Variants in PARP4 observed in about 807,000 individuals in gnomAD.
PARP4 encodes poly(ADP-ribose) polymerase family member 4.
In PARP4, 120 loss-of-function variants were observed where a neutral mutation model predicts 187.7. The ratio of observed to expected loss-of-function variants is 0.64; its 90% confidence interval spans 0.55 to 0.74. The LOEUF is 0.74. Ranked by LOEUF, PARP4 falls within the 30% of genes least tolerant of loss-of-function variation. The pLI is 0.00. For missense variants in PARP4, 1,836 were observed against 2,070.5 expected, an observed-to-expected ratio of 0.89 and a Z score of 2.20; for synonymous variants, 654 against 740.9, an observed-to-expected ratio of 0.88 and a Z score of 1.90.
At position 24,483,777 on chromosome 13, in the gene PARP4, C is replaced by A. The variant is rs1421113627; in HGVS notation, c.1448+876G>T. Among the ~76,000 whole-genome samples, 3 of 152,098 alleles carry A rather than the reference C, an allele frequency of 2.0e-5. 1 individual carries two copies. Among genetic ancestry groups the A allele is most frequent in the Non-Finnish European group, 2.9e-5 (2 of 68,034 alleles). On this transcript the variant is annotated intron_variant, in intron 12 of 33. Coordinates refer to ENST00000381989, the MANE Select transcript of PARP4 (RefSeq NM_006437.4). ...GAGTAGCTGGGACTACAGGTGCACA[C>A]CACCACGCCCAGCTAATTTTTGTAT...
intron 14 of PARP4, 111 bp downstream of exon 14, chr13:24,477,590 A>G: frequency 1.5e-6 from 1 of 668,976 alleles, no homozygotes; most frequent in Non-Finnish European, 2.6e-6. Context: ...TGAAATACTT[A>G]TGGATGAGGT....
chr13:24,458,316 A>G (rs1400889833), intron 20 of PARP4, among the ~76,000 whole-genome samples: 2 of 151,924 alleles, frequency 1.3e-5, no homozygotes, highest in Non-Finnish European at 2.9e-5. Flanking sequence ...TCACCATGTT[A>G]GCCAGGATGG....
chr13:24,432,792 T>C (rs1426044136), intron 31 of PARP4, among the ~76,000 whole-genome samples: 1 of 152,090 alleles, frequency 6.6e-6, no homozygotes, highest in Non-Finnish European at 1.5e-5. Context: ...ATCATCTGCC[T>C]GCCCCATCAC....
intron 24 of PARP4, among the ~76,000 whole-genome samples, 160 bp from the exon 25 acceptor site, chr13:24,449,977 A>G (rs1871427455): frequency 6.6e-6 from 1 of 152,212 alleles, no homozygotes. Context: ...GTGATAATAG[A>G]AGGAAACATC....
intron 20 of PARP4, among the ~76,000 whole-genome samples, chr13:24,457,770 C>CAAAAAAAAAAAAAAA (rs33930012): frequency 2.2e-3 from 188 of 85,566 alleles, no homozygotes; most frequent in Non-Finnish European, 2.7e-3. Flanking sequence ...GACTCTGTCT[C>CAAAAAAAAAAAAAAA]AAAAAAAAAA....
chr13:24,463,720 C>T (rs1053426673), intron 17 of PARP4, among the ~76,000 whole-genome samples: 10 of 152,214 alleles, frequency 6.6e-5, no homozygotes, highest in African/African-American at 2.2e-4. Flanking sequence ...GGAAGCATTC[C>T]CCTTGAAAAC....
At chr13:24,456,568 C>A (rs1004765149) in intron 20 of PARP4, 90 bp from the exon 21 acceptor site, 2 of 1,114,464 alleles carry the variant, frequency 1.8e-6, no homozygotes, top group South Asian at 2.1e-5. Flanking sequence ...CAAACCCTTG[C>A]ATAGCTTACA....
intron 1 of PARP4, among the ~76,000 whole-genome samples, chr13:24,508,819 CTG>C (rs71698453): frequency 0.015 from 2,217 of 152,194 alleles, 62 homozygotes; most frequent in African/African-American, 0.05. Flanking sequence ...CAGCCACAGA[CTG>C]TATTTTTTAT....
chr13:24,432,694 A>T (rs1238448219), intron 31 of PARP4, among the ~76,000 whole-genome samples: 1 of 152,226 alleles, frequency 6.6e-6, no homozygotes, highest in Non-Finnish European at 1.5e-5. Context: ...ACCCTGATGT[A>T]GTCTGAAACA....
At chr13:24,458,411 GTTT>G (rs202018235) in intron 20 of PARP4, among the ~76,000 whole-genome samples, 1 of 144,918 alleles carries the variant, frequency 6.9e-6, no homozygotes, top group African/African-American at 2.5e-5. Context: ...ACTCAGCCAA[GTTT>G]TTTTTTTTTT....
intron 21 of PARP4, 57 bp downstream of exon 21, chr13:24,456,284 T>G (rs1360679593): frequency 1.0e-4 from 142 of 1,420,956 alleles, no homozygotes; most frequent in Non-Finnish European, 1.2e-4. Context: ...TTTAACCAGC[T>G]TATTCTGAAA....
At chr13:24,422,840 C>T (rs1469797638) in intron 33 of PARP4, among the ~76,000 whole-genome samples, 1 of 152,084 alleles carries the variant, frequency 6.6e-6, no homozygotes, top group Non-Finnish European at 1.5e-5. Context: ...ATCTCTTAAC[C>T]TTGTGATCTG....
chr13:24,458,999 G>C (rs371987915), intron 20 of PARP4, 45 bp downstream of exon 20: 18 of 1,294,118 alleles, frequency 1.4e-5, no homozygotes, highest in Non-Finnish European at 2.0e-5. Flanking sequence ...TAAGATAAAA[G>C]TAGTGTTAAA....
Position 24,490,746 on chromosome 13 carries a change from C to T in PARP4, c.1136G>A (p.Arg379Lys). 6.2e-7 allele frequency: 1 copy of T among 1,614,078 alleles called. No homozygotes were observed. Among genetic ancestry groups the T allele is most frequent in the Admixed American group, 1.7e-5 (1 of 60,028 alleles). The change falls in exon 10 of 34, where the codon AGG (arginine) becomes AAG (lysine). Residue 379 changes from arginine to lysine, a missense_variant. Around this residue, in one of 8 missense-constraint regions of PARP4, gnomAD observed 1,147 missense variants for 1,214.2 expected, o/e 0.94. Transcript: ENST00000381989. ...PPSLAKYRALRCKIEHVEQNT... is the reference protein window; with the variant it reads ...PPSLAKYRALKCKIEHVEQNT... ...CTGTTCAACATGCTCAATTTTGCAC[C>T]TCAAAGCTCGGTATTTGGCCAGGGA...
Position 24,434,998 on chromosome 13 carries a change from C to T in PARP4, c.4143G>A (p.Ala1381=), listed in dbSNP as rs776533308. 79 of 1,613,690 alleles carry T rather than the reference C, an allele frequency of 4.9e-5. No homozygotes were observed. The East Asian group carries it at 9.6e-4, about 20-fold the overall frequency. The change falls in exon 31 of 34, where the codon GCG becomes GCA. Residue 1381 remains alanine, a synonymous_variant. Coordinates refer to ENST00000381989, the MANE Select transcript of PARP4 (RefSeq NM_006437.4). ...GTCADWIPQS[A]SCPTGPPQNP... ...TCTGGGGAGGTCCTGTGGGACAAGA[C>T]GCCGACTGTGGGATCCAGTCAGCAC... is the stretch of plus-strand genomic sequence containing the variant.
rs377065797 is a variant in PARP4, at chr13:24,503,699, T to C, written c.78A>G (p.Leu26=). ...KYLPQQQKKK[L]QTDIKENGGK... ...CGCCATTTTCCTTAATGTCAGTTTG[T>C]AGCTTTTTCTTCTGCTGCTGAGGTA... is the stretch of plus-strand genomic sequence containing the variant. Residue 26 remains leucine (L), a synonymous_variant, in exon 2 of 34, where the codon CTA becomes CTG. Transcript: ENST00000381989. 47 of 1,613,990 alleles carry C rather than the reference T, an allele frequency of 2.9e-5. No homozygotes were observed. Among genetic ancestry groups the C allele is most frequent in the Admixed American group, 8.3e-5 (5 of 60,024 alleles).
intron 10 of PARP4, among the ~76,000 whole-genome samples, chr13:24,486,876 C>T (rs961371873): frequency 4.7e-5 from 7 of 150,128 alleles, no homozygotes; most frequent in Admixed American, 1.3e-4. Flanking sequence ...CACTTGAACC[C>T]GGGGCGGGGG....
intron 17 of PARP4, among the ~76,000 whole-genome samples, chr13:24,460,343 G>A (rs1423483625): frequency 6.6e-6 from 1 of 152,230 alleles, no homozygotes; most frequent in Non-Finnish European, 1.5e-5. Context: ...TGATGTCCGT[G>A]GCAGGCAGAT....
intron 25 of PARP4, among the ~76,000 whole-genome samples, chr13:24,448,434 C>G (rs1288901059): frequency 1.4e-5 from 2 of 141,074 alleles, no homozygotes; most frequent in Non-Finnish European, 3.1e-5. Context: ...CAAAGAAAAG[C>G]TGATTGATTT....
Sources: allele counts gnomAD v4.1 joint callset (sites outside exome capture counted in the v4.1 genomes callset), GRCh38; gene constraint gnomAD v4.1.1; regional missense constraint gnomAD v4.1.1; transcripts MANE v1.5; gene names NCBI Gene and HGNC (gene_info 2026-07-23, HGNC 2026-07-21).